Variants in RIT2 observed in about 807,000 individuals in gnomAD.
The protein encoded by RIT2 is Ras like without CAAX 2.
Under a neutral mutation model 23.7 loss-of-function variants are expected in RIT2, and 24 were observed. The ratio of observed to expected loss-of-function variants is 1.01; its 90% confidence interval spans 0.73 to 1.43. RIT2 has a LOEUF of 1.43. Ranked by LOEUF, RIT2 falls within the 40% of genes most tolerant of loss-of-function variation. The pLI is 0.00. For missense variants in RIT2, 236 were observed against 266.9 expected (o/e 0.88, Z 0.81); for synonymous variants, 107 against 91.1 (o/e 1.17, Z -0.99).
intron 3 of RIT2, among the ~76,000 whole-genome samples, chr18:42,946,325 T>G (rs967898817): frequency 1.3e-5 from 2 of 152,068 alleles, no homozygotes; most frequent in Admixed American, 6.6e-5. Flanking sequence ...AACCACACGT[T>G]TAAAATCATG....
At chr18:42,837,468 C>CTT (rs146712147) in intron 4 of RIT2, among the ~76,000 whole-genome samples, 9 of 149,770 alleles carry the variant, frequency 6.0e-5, no homozygotes, top group Admixed American at 2.0e-4. Context: ...CACCTGGCCT[C>CTT]TTTTTTAAAA....
chr18:42,863,716 C>T (rs1481062544), intron 4 of RIT2, among the ~76,000 whole-genome samples: 1 of 152,142 alleles, frequency 6.6e-6, no homozygotes, highest in Non-Finnish European at 1.5e-5. Context: ...GTCCTCAGCC[C>T]TGTTTCCACT....
intron 4 of RIT2, among the ~76,000 whole-genome samples, chr18:42,829,695 A>T (rs1248163187): frequency 6.6e-6 from 1 of 152,218 alleles, no homozygotes; most frequent in Non-Finnish European, 1.5e-5. Context: ...ACTTAAGGAA[A>T]ACTACAGGAT....
At chr18:42,980,401 T>C (rs1448014211) in intron 2 of RIT2, among the ~76,000 whole-genome samples, 4 of 152,108 alleles carry the variant, frequency 2.6e-5, no homozygotes, top group Non-Finnish European at 5.9e-5. Flanking sequence ...AGAAATCAAC[T>C]ACCCCACTAG....
Position 42,853,477 on chromosome 18 carries a change from T to C in RIT2, c.426+70095A>G, listed in dbSNP as rs116119290. 5.6e-3 allele frequency among the ~76,000 whole-genome samples: 856 copies of C among 152,356 alleles called. 12 individuals carry two copies. Among genetic ancestry groups the C allele is most frequent in the African/African-American group, 0.019 (779 of 41,590 alleles). On this transcript the variant is annotated intron_variant, in intron 4 of 4. Transcript: ENST00000326695. ...TTGCAGAATTTCTAATATTTTATCA[T>C]GTGTATTTATTTTCTAGCCTTTGCA... is the stretch of plus-strand genomic sequence containing the variant.
intron 1 of RIT2, among the ~76,000 whole-genome samples, chr18:43,066,869 A>G (rs1034633747): frequency 2.0e-5 from 3 of 151,476 alleles, no homozygotes; most frequent in African/African-American, 4.9e-5. Context: ...TAAAGTGAAC[A>G]GTTGGAAGCA....
intron 1 of RIT2, among the ~76,000 whole-genome samples, chr18:43,108,907 C>G (rs1017172563): frequency 2.0e-5 from 3 of 152,174 alleles, no homozygotes; most frequent in African/African-American, 4.8e-5. Flanking sequence ...TTTTGCCTTA[C>G]AGTCCACAGG....
At chr18:43,099,173 C>G (rs1042541030) in intron 1 of RIT2, among the ~76,000 whole-genome samples, 1 of 152,006 alleles carries the variant, frequency 6.6e-6, no homozygotes, top group Non-Finnish European at 1.5e-5. Flanking sequence ...CTTTGCCTTT[C>G]TGAAGGTGTG....
At chr18:42,893,596 A>G (rs899796255) in intron 4 of RIT2, among the ~76,000 whole-genome samples, 5 of 152,212 alleles carry the variant, frequency 3.3e-5, no homozygotes, top group Non-Finnish European at 7.3e-5. Context: ...GGGGACACAA[A>G]TTCAAACCAT....
intron 4 of RIT2, among the ~76,000 whole-genome samples, chr18:42,799,708 C>T (rs887254094): frequency 7.2e-5 from 11 of 152,190 alleles, no homozygotes; most frequent in African/African-American, 2.4e-4. Flanking sequence ...TAAGAACATG[C>T]TTCCCCATAT....
At chr18:42,903,579 A>C (rs779248438) in intron 4 of RIT2, among the ~76,000 whole-genome samples, 13 of 152,112 alleles carry the variant, frequency 8.5e-5, no homozygotes, top group Non-Finnish European at 1.3e-4. Flanking sequence ...CAAAAATATA[A>C]ATTATCATAA....
At chr18:42,744,414 A>G (rs1161267327) in intron 4 of RIT2, among the ~76,000 whole-genome samples, 2 of 152,236 alleles carry the variant, frequency 1.3e-5, no homozygotes, top group Admixed American at 6.5e-5. Context: ...AATCCTTGAA[A>G]GTATGACTGA....
intron 3 of RIT2, among the ~76,000 whole-genome samples, chr18:42,925,597 G>A (rs780394903): frequency 1.2e-4 from 18 of 151,798 alleles, no homozygotes; most frequent in African/African-American, 2.7e-4. Context: ...ATTTTCAATC[G>A]TCTAGTCCTT....
intron 4 of RIT2, among the ~76,000 whole-genome samples, chr18:42,799,625 T>C (rs1905468900): frequency 6.6e-6 from 1 of 152,218 alleles, no homozygotes; most frequent in African/African-American, 2.4e-5. Flanking sequence ...ACCACTTTCT[T>C]ATAATACAAT....
intron 2 of RIT2, among the ~76,000 whole-genome samples, chr18:43,002,573 G>C (rs1341006610): frequency 6.6e-6 from 1 of 151,924 alleles, no homozygotes; most frequent in Non-Finnish European, 1.5e-5. Flanking sequence ...AACAGATACT[G>C]GCTGCATGAT....
intron 2 of RIT2, among the ~76,000 whole-genome samples, chr18:43,011,329 G>T (rs548654233): frequency 7.6e-4 from 115 of 151,846 alleles, no homozygotes; most frequent in East Asian, 5.9e-3. Context: ...AACCAAAGGG[G>T]CCAGCTGTGT....
chr18:43,071,125 T>C (rs559651050), intron 1 of RIT2, among the ~76,000 whole-genome samples: 1 of 152,334 alleles, frequency 6.6e-6, no homozygotes, highest in South Asian at 2.1e-4. Flanking sequence ...GACTATTCTG[T>C]TGCATCTATA....
intron 3 of RIT2, among the ~76,000 whole-genome samples, chr18:42,970,272 A>C (rs766176857): frequency 3.9e-5 from 6 of 152,040 alleles, no homozygotes; most frequent in Non-Finnish European, 5.9e-5. Context: ...TAATAAGTAA[A>C]GTTTTCCAAA....
chr18:42,787,565 A>G (rs1283277565), intron 4 of RIT2, among the ~76,000 whole-genome samples: 1 of 152,208 alleles, frequency 6.6e-6, no homozygotes. Context: ...GAGAAACATG[A>G]GTTAGCAGGT....
Sources: allele counts gnomAD v4.1 joint callset (sites outside exome capture counted in the v4.1 genomes callset), GRCh38; gene constraint gnomAD v4.1.1; transcripts MANE v1.5; gene names NCBI Gene and HGNC (gene_info 2026-07-23, HGNC 2026-07-21).